The following NAV1 variants were observed in gnomAD, a reference collection of about 807,000 sequenced individuals.
NAV1 encodes the protein pore membrane and/or filament interacting like protein 3.
In NAV1, 18 loss-of-function variants were observed where a neutral mutation model predicts 175.2. The observed-to-expected ratio is 0.10, with a 90% CI of 0.07 to 0.15. The LOEUF is 0.15. Ranked by LOEUF, NAV1 falls within the 10% of genes least tolerant of loss-of-function variation. The pLI is 1.00. For missense variants in NAV1, 1,731 were observed against 2,436.6 expected, an observed-to-expected ratio of 0.71 and a Z score of 6.10; for synonymous variants, 897 against 978.7, an observed-to-expected ratio of 0.92 and a Z score of 1.56.
Position 201,648,816 on chromosome 1 carries a change from C to G in NAV1, c.148C>G (p.Pro50Ala), listed in dbSNP as rs368543252. ...CATGCTGCCCAAGCGCGCCAAGGCG[C>G]CCGGCGGCGGCGGCGGCATGGCCAA... Residue 50 changes from proline (P) to alanine (A), a missense_variant, in exon 1 of 30, where the codon CCC (proline) becomes GCC (alanine). Pro to Ala is a conservative substitution (Grantham distance 27). This residue lies in a region of NAV1 where 487 missense variants were observed against 581.3 expected (regional missense o/e 0.84). Coordinates refer to ENST00000367296, the Ensembl canonical transcript of NAV1. 8 of 1,572,748 alleles carry G rather than the reference C, an allele frequency of 5.1e-6. No homozygotes were observed. In the South Asian group the frequency reaches 6.8e-5, roughly 13 times the overall value.
At chr1:201,558,555 C>T (rs760912369) in intron 1 of NAV1, among the ~76,000 whole-genome samples, 1 of 152,158 alleles carries the variant, frequency 6.6e-6, no homozygotes, top group African/African-American at 2.4e-5. Flanking sequence ...CGGGTTCAAG[C>T]GATTCTCCTG....
At chr1:201,661,978 C>G (rs1669630044) in intron 1 of NAV1, among the ~76,000 whole-genome samples, 1 of 152,224 alleles carries the variant, frequency 6.6e-6, no homozygotes. Context: ...CTACTCTTAT[C>G]CCCTTTTTAG....
chr1:201,548,192 C>A (rs1405983462), intron 1 of NAV1, among the ~76,000 whole-genome samples: 1 of 152,196 alleles, frequency 6.6e-6, no homozygotes. Flanking sequence ...TTTATGTAGT[C>A]ATGATCATGT....
At chr1:201,681,447 A>G (rs1463260359) in intron 1 of NAV1, among the ~76,000 whole-genome samples, 1 of 152,194 alleles carries the variant, frequency 6.6e-6, no homozygotes, top group Non-Finnish European at 1.5e-5. Context: ...AAATATGCAG[A>G]ATCTCCCCAG....
Position 201,793,776 on chromosome 1 carries a change from T to G in NAV1, c.3322-16T>G. 6.2e-7 allele frequency: 1 copy of G among 1,612,334 alleles called. No individual in the cohort carries two copies. Among genetic ancestry groups the G allele is most frequent in the Non-Finnish European group, 8.5e-7 (1 of 1,179,230 alleles). ...GCCTTATGCAACTTAGCAATCTCTT[T>G]CTGTGTTTGTTTCAGGCTAATCTGG... is the stretch of plus-strand genomic sequence containing the variant. On this transcript the variant is annotated splice_polypyrimidine_tract_variant and intron_variant, in intron 13 of 29. Coordinates refer to ENST00000367296, the Ensembl canonical transcript of NAV1.
At chr1:201,666,224 A>G (rs1287614955) in intron 1 of NAV1, among the ~76,000 whole-genome samples, 1 of 151,388 alleles carries the variant, frequency 6.6e-6, no homozygotes, top group African/African-American at 2.4e-5. Flanking sequence ...CTCCATCTCT[A>G]CCTCCCTCTT....
chr1:201,801,502 T>C (rs1252518540), intron 15 of NAV1, among the ~76,000 whole-genome samples: 3 of 152,066 alleles, frequency 2.0e-5, no homozygotes, highest in Non-Finnish European at 4.4e-5. Flanking sequence ...TTTTTTTAAA[T>C]AGAGATGAGG....
rs1676360539 is a variant in NAV1, at chr1:201,782,071, C to T, written c.1664-105C>T. On this transcript the variant is annotated intron_variant, in intron 5 of 29. Coordinates refer to ENST00000367296, the Ensembl canonical transcript of NAV1. This position sits in a 1 kb window ranked among gnomAD's most constrained non-coding sequence, Gnocchi z 5.4. ...CCAAATTTAGGCCTCTAAAAGTCTA[C>T]AATACATGGACAATGTTCCCTTCTC... 9.5e-7 allele frequency: 1 copy of T among 1,048,572 alleles called. No homozygotes were observed. Among genetic ancestry groups the T allele is most frequent in the Non-Finnish European group, 1.4e-6 (1 of 725,866 alleles). The allele number at this position is 1,048,572 out of a possible 1,614,324, so 65.0% of individuals were successfully genotyped here.
chr1:201,790,394 G>T (rs373672994), intron 11 of NAV1, among the ~76,000 whole-genome samples, 160 bp from the exon 16 acceptor site: 2 of 152,170 alleles, frequency 1.3e-5, no homozygotes, highest in Non-Finnish European at 2.9e-5. Flanking sequence ...GCCGAGTCCT[G>T]TGAGGAGCCA....
intron 1 of NAV1, among the ~76,000 whole-genome samples, chr1:201,558,545 C>T (rs1017019741): frequency 6.6e-5 from 10 of 152,254 alleles, no homozygotes; most frequent in African/African-American, 1.9e-4. Context: ...ATCTGCCTCG[C>T]GGGTTCAAGC....
intron 3 of NAV1, among the ~76,000 whole-genome samples, chr1:201,746,037 A>G (rs1408654469): frequency 6.6e-6 from 1 of 151,720 alleles, no homozygotes; most frequent in African/African-American, 2.4e-5. Context: ...CGTGTTGTCC[A>G]GGCTGTTTTC....
intron 1 of NAV1, among the ~76,000 whole-genome samples, chr1:201,682,170 C>T (rs1456382065): frequency 6.6e-6 from 1 of 151,278 alleles, no homozygotes; most frequent in Non-Finnish European, 1.5e-5. Flanking sequence ...CCTGTAATCC[C>T]AGCTACCTGG....
chr1:201,824,419 T>TTA (rs1239001198), exon 30 of NAV1: 1 of 152,126 alleles, frequency 6.6e-6, no homozygotes, highest in East Asian at 1.9e-4. Flanking sequence ...CCAATCAGCC[T>TTA]TATATTTTAA....
chr1:201,804,923 C>T (rs1456862778), intron 17 of NAV1, among the ~76,000 whole-genome samples: 1 of 152,090 alleles, frequency 6.6e-6, no homozygotes, highest in East Asian at 1.9e-4. Flanking sequence ...TTCCAGAGGC[C>T]AGTTCAGCCT....
At chr1:201,670,532 AGTGATGGTGGCAGTGATG>A (rs1305217513) in intron 1 of NAV1, among the ~76,000 whole-genome samples, 1 of 151,602 alleles carries the variant, frequency 6.6e-6, no homozygotes, top group Non-Finnish European at 1.5e-5. Flanking sequence ...TGGCAGCAGC[AGTGATGGTGGCAGTGATG>A]GTGATGGTGG....
At chr1:201,600,236 C>T (rs955001283) in intron 2 of NAV1, among the ~76,000 whole-genome samples, 1 of 152,218 alleles carries the variant, frequency 6.6e-6, no homozygotes, top group Non-Finnish European at 1.5e-5. Flanking sequence ...CTGAGTGAGC[C>T]TCCTCCCTTG....
At chr1:201,706,190 T>C (rs1267357251) in intron 1 of NAV1, among the ~76,000 whole-genome samples, 1 of 152,172 alleles carries the variant, frequency 6.6e-6, no homozygotes, top group East Asian at 1.9e-4. Flanking sequence ...GGCTTCACCC[T>C]AGGGATCTAA....
At chr1:201,638,228 C>A (rs965683288) in intron 2 of NAV1, among the ~76,000 whole-genome samples, 1 of 152,180 alleles carries the variant, frequency 6.6e-6, no homozygotes, top group Non-Finnish European at 1.5e-5. Context: ...CCTCAGAAGA[C>A]CCTGACTTGT....
At chr1:201,721,198 T>A (rs1558097062) in intron 3 of NAV1, among the ~76,000 whole-genome samples, 1 of 152,300 alleles carries the variant, frequency 6.6e-6, no homozygotes, top group East Asian at 1.9e-4. Context: ...GGCATGGCAA[T>A]ATCCATAAAG....
Sources: allele counts gnomAD v4.1 joint callset (sites outside exome capture counted in the v4.1 genomes callset), GRCh38; gene constraint gnomAD v4.1.1; regional missense constraint gnomAD v4.1.1; non-coding constraint Gnocchi (gnomAD v3.1); transcripts MANE v1.5; gene names NCBI Gene and HGNC (gene_info 2026-07-23, HGNC 2026-07-21).